The following NHSL2 variants were observed in gnomAD, a reference collection of about 807,000 sequenced individuals.
The protein encoded by NHSL2 is NHS like 2.
Under a neutral mutation model 53.4 loss-of-function variants are expected in NHSL2, and 27 were observed. That is an observed-to-expected ratio of 0.51 (90% CI 0.37 to 0.70). NHSL2 has a LOEUF of 0.70. Among genes scored for constraint, NHSL2 ranks in the 30% least tolerant of loss-of-function variants. The pLI, the probability that NHSL2 is intolerant of heterozygous loss-of-function variation, is 0.00. For synonymous variants in NHSL2, 408 were observed against 404.1 expected (o/e 1.01, Z -0.12); for missense variants, 892 against 980.1 (o/e 0.91, Z 1.20).
chrX:71,978,492 A>C (rs1232979247), intron 1 of NHSL2, among the ~76,000 whole-genome samples: 1 of 112,190 alleles, frequency 8.9e-6, no homozygotes, highest in African/African-American at 3.2e-5. Flanking sequence ...CCTTAACCTC[A>C]TTCTGCATAG....
intron 1 of NHSL2, among the ~76,000 whole-genome samples, chrX:71,956,783 T>C (rs1207811948): frequency 9.0e-6 from 1 of 111,229 alleles, no homozygotes; most frequent in Non-Finnish European, 1.9e-5. Context: ...CAGCAGTGAC[T>C]CCTAATCTAA....
chrX:72,076,515 A>G (rs1309220080), intron 1 of NHSL2, among the ~76,000 whole-genome samples: 1 of 111,887 alleles, frequency 8.9e-6, no homozygotes, highest in African/African-American at 3.3e-5. Flanking sequence ...CCACTGCCCA[A>G]GAGTTGTTCT....
At chrX:71,961,923 C>T (rs1664589582) in intron 1 of NHSL2, among the ~76,000 whole-genome samples, 1 of 112,443 alleles carries the variant, frequency 8.9e-6, no homozygotes, top group African/African-American at 3.2e-5. Context: ...CCTGCCTCAG[C>T]CTTCCAAAAT....
chrX:71,942,972 C>CTGTG (rs58935869), intron 1 of NHSL2, among the ~76,000 whole-genome samples: 1,286 of 73,975 alleles, frequency 0.017, 41 homozygotes, highest in African/African-American at 0.066. Flanking sequence ...CTCTCTCTCT[C>CTGTG]TGTGTGTGTG....
intron 1 of NHSL2, chrX:72,130,880 G>A (rs374080330): frequency 8.3e-7 from 1 of 1,210,282 alleles, no homozygotes; most frequent in Non-Finnish European, 1.1e-6. Flanking sequence ...ATTTCATCCA[G>A]GAAGCGCGGG....
At chrX:72,113,324 G>C (rs980061829) in intron 1 of NHSL2, among the ~76,000 whole-genome samples, 1 of 111,274 alleles carries the variant, frequency 9.0e-6, no homozygotes, top group Non-Finnish European at 1.9e-5. Flanking sequence ...GCCACCTGCC[G>C]TGAGGGGTGC....
intron 5 of NHSL2, among the ~76,000 whole-genome samples, chrX:72,138,232 A>G (rs1044031182): frequency 8.9e-6 from 1 of 112,054 alleles, no homozygotes; most frequent in Non-Finnish European, 1.9e-5. Flanking sequence ...AGCCATCTGG[A>G]CCATTCAAGG....
At chrX:72,027,996 G>A (rs770786759) in intron 1 of NHSL2, among the ~76,000 whole-genome samples, 1 of 111,271 alleles carries the variant, frequency 9.0e-6, no homozygotes, top group South Asian at 3.8e-4. Context: ...TGCTGCTGCC[G>A]CTGCTGCTGC....
At position 72,143,264 on chromosome X, in the gene NHSL2, A is replaced by G; in HGVS notation, c.3368A>G (p.Lys1123Arg). The change falls in exon 8 of 8, where the codon AAG (lysine) becomes AGG (arginine). Residue 1123 changes from lysine (K) to arginine (R), a missense_variant. By Grantham distance (26) the Lys-to-Arg change is conservative (BLOSUM62 2). Coordinates refer to ENST00000633930, the MANE Select transcript of NHSL2 (RefSeq NM_001013627.3). ...LFTVIHRSKR[K>R]LLGWKEPGEA... ...TTTCTCTTATCTAGGTCCAAAAGGA[A>G]GCTGCTCGGCTGGAAGGAACCTGGT... The G allele has an allele frequency of 8.7e-7, 1 of 1,154,334 alleles. No individual in the cohort carries two copies. The highest frequency in any genetic ancestry group is 1.2e-6 in the Non-Finnish European group (1 of 866,034).
At chrX:72,117,475 C>A (rs1021319219) in intron 1 of NHSL2, among the ~76,000 whole-genome samples, 1 of 108,621 alleles carries the variant, frequency 9.2e-6, no homozygotes, top group African/African-American at 3.4e-5. Flanking sequence ...CCATTTGAAG[C>A]ATACAATTCA....
intron 1 of NHSL2, among the ~76,000 whole-genome samples, chrX:71,962,504 T>C (rs2041871989): frequency 9.0e-6 from 1 of 111,601 alleles, no homozygotes; most frequent in South Asian, 3.7e-4. Context: ...TATAGGTCTA[T>C]TCAGATTTTC....
At chrX:71,982,079 C>T (rs1447328906) in intron 1 of NHSL2, among the ~76,000 whole-genome samples, 1 of 112,228 alleles carries the variant, frequency 8.9e-6, no homozygotes, top group African/African-American at 3.2e-5. Context: ...GGAAACAACC[C>T]AAATGTCCTT....
intron 1 of NHSL2, among the ~76,000 whole-genome samples, chrX:72,000,914 GGATGTGGACATCGTTGTGGGGGCTATAA>G (rs1387054457): frequency 8.9e-6 from 1 of 112,472 alleles, no homozygotes; most frequent in Non-Finnish European, 1.9e-5. Flanking sequence ...CCAGAGGTTA[GGATGTGGACATCGTTGTGGGGGCTATAA>G]TCCTGTCTAT....
intron 1 of NHSL2, among the ~76,000 whole-genome samples, chrX:72,010,801 A>G (rs777870138): frequency 8.9e-6 from 1 of 111,737 alleles, no homozygotes; most frequent in East Asian, 2.8e-4. Flanking sequence ...CTCAATAATC[A>G]CTTCTTGCAA....
At chrX:71,934,530 C>G (rs73634894) in intron 1 of NHSL2, among the ~76,000 whole-genome samples, 148 of 112,060 alleles carry the variant, frequency 1.3e-3, no homozygotes, top group African/African-American at 4.6e-3. Flanking sequence ...GGTGGAGCTT[C>G]CCTCTTGAAC....
intron 1 of NHSL2, among the ~76,000 whole-genome samples, chrX:71,948,569 C>T (rs894393980): frequency 2.7e-5 from 3 of 111,363 alleles, no homozygotes; most frequent in East Asian, 2.8e-4. Flanking sequence ...CGGTGGCTCA[C>T]GCCTGTAATC....
intron 1 of NHSL2, among the ~76,000 whole-genome samples, chrX:71,929,861 C>T (rs1287753186): frequency 3.6e-5 from 4 of 110,338 alleles, no homozygotes; most frequent in Non-Finnish European, 5.7e-5. Context: ...CTCAAGTGAT[C>T]CTCACCCCTC....
chrX:71,911,018 C>A lies in NHSL2; in HGVS notation c.-70C>A. On this transcript the variant is annotated 5_prime_UTR_variant, in exon 1 of 8. Transcript: ENST00000633930. ...GGCCGCCGCTCAGGGGCGCTCGGGC[C>A]AGGGGCGCTGCTCGGGGTGAGCCCG... is the stretch of plus-strand genomic sequence containing the variant. 3 of 880,014 alleles carry A rather than the reference C, an allele frequency of 3.4e-6. No individual in the cohort carries two copies. Among genetic ancestry groups the A allele is most frequent in the Non-Finnish European group, 4.3e-6 (3 of 699,772 alleles). 72.5% of individuals were successfully genotyped at this position (880,014 alleles called of 1,213,427 possible).
At chrX:72,058,788 G>T (rs1303281434) in intron 1 of NHSL2, among the ~76,000 whole-genome samples, 3 of 112,494 alleles carry the variant, frequency 2.7e-5, no homozygotes, top group Admixed American at 9.3e-5. Context: ...CCCTATGCAT[G>T]AGAGTGGACA....
Sources: allele counts gnomAD v4.1 joint callset (sites outside exome capture counted in the v4.1 genomes callset), GRCh38; gene constraint gnomAD v4.1.1; transcripts MANE v1.5; gene names NCBI Gene and HGNC (gene_info 2026-07-23, HGNC 2026-07-21).